The following WDFY2 variants were observed in gnomAD, a reference collection of about 807,000 sequenced individuals.
WDFY2 encodes the protein WD repeat and FYVE domain containing 2.
WDFY2 carries 36 observed loss-of-function variants against 56.4 expected under a neutral mutation model. The observed-to-expected ratio is 0.64, with a 90% confidence interval of 0.49 to 0.84. WDFY2 has a LOEUF of 0.84. Among genes scored for constraint, WDFY2 ranks in the 40% least tolerant of loss-of-function variants. WDFY2 has a pLI of 0.00. For missense variants in WDFY2, 444 were observed against 512.2 expected, an observed-to-expected ratio of 0.87 and a Z score of 1.29; for synonymous variants, 176 against 183.7, an observed-to-expected ratio of 0.96 and a Z score of 0.34.
At chr13:51,672,849 G>C (rs542551450) in intron 2 of WDFY2, among the ~76,000 whole-genome samples, 1 of 152,118 alleles carries the variant, frequency 6.6e-6, no homozygotes, top group Non-Finnish European at 1.5e-5. Flanking sequence ...TCTCAGCTTG[G>C]TCACTGTTGA....
intron 2 of WDFY2, 90 bp downstream of exon 2, chr13:51,660,753 G>T: frequency 9.0e-7 from 1 of 1,112,230 alleles, no homozygotes; most frequent in South Asian, 1.3e-5. Context: ...AGAAGACTGA[G>T]GTTGGGATTC....
chr13:51,675,092 C>A (rs1833889833), intron 2 of WDFY2, 78 bp from the exon 3 acceptor site: 1 of 1,344,834 alleles, frequency 7.4e-7, no homozygotes, highest in Non-Finnish European at 1.1e-6. Context: ...CAGCCCCACA[C>A]TTTTAGCTAG....
rs189054879 is a variant in WDFY2 at position 51,614,172 on chromosome 13, C to T, written c.137+29348C>T. Among the ~76,000 whole-genome samples, 612 of 122,622 alleles carry T rather than the reference C, an allele frequency of 5.0e-3. 4 individuals carry two copies. Among genetic ancestry groups the T allele is most frequent in the African/African-American group, 0.017 (543 of 31,482 alleles). 80.4% of individuals were successfully genotyped at this position (122,622 alleles called of 152,430 possible). On this transcript the variant is annotated intron_variant, in intron 1 of 11. Coordinates refer to ENST00000298125, the MANE Select transcript of WDFY2 (RefSeq NM_052950.4). ...CTGCACCCCAGCCTGGGCGACAGTGCGAGACTCGGTCTCCAAAAAAAAAAA... is the reference window on the plus strand; with the variant it reads ...CTGCACCCCAGCCTGGGCGACAGTGTGAGACTCGGTCTCCAAAAAAAAAAA...
intron 5 of WDFY2, among the ~76,000 whole-genome samples, chr13:51,721,323 A>G (rs571768615): frequency 2.2e-4 from 34 of 152,234 alleles, no homozygotes; most frequent in African/African-American, 5.1e-4. Flanking sequence ...AATGGCATCA[A>G]TATAATTTGG....
intron 3 of WDFY2, among the ~76,000 whole-genome samples, chr13:51,695,359 T>C (rs1004851048): frequency 6.2e-4 from 95 of 152,338 alleles, no homozygotes; most frequent in African/African-American, 2.2e-3. Flanking sequence ...GATGGGTTTT[T>C]GGTGTGGATG....
intron 1 of WDFY2, among the ~76,000 whole-genome samples, chr13:51,592,978 GATA>G: frequency 6.6e-6 from 1 of 152,222 alleles, no homozygotes; most frequent in Middle Eastern, 3.4e-3. Flanking sequence ...ATAAATAAAA[GATA>G]ATAACCACAA....
At chr13:51,689,514 C>T (rs1956114915) in intron 3 of WDFY2, among the ~76,000 whole-genome samples, 1 of 152,128 alleles carries the variant, frequency 6.6e-6, no homozygotes, top group African/African-American at 2.4e-5. Context: ...TTTCTTGTTT[C>T]CGACGCTTCC....
chr13:51,741,645 G>A (rs894103487), intron 7 of WDFY2, among the ~76,000 whole-genome samples: 11 of 152,142 alleles, frequency 7.2e-5, no homozygotes, highest in Non-Finnish European at 1.5e-4. Flanking sequence ...AGTGATTCTC[G>A]TATTTGAGTA....
At chr13:51,727,220 C>T (rs1251612949) in intron 5 of WDFY2, among the ~76,000 whole-genome samples, 2 of 152,108 alleles carry the variant, frequency 1.3e-5, no homozygotes, top group Admixed American at 6.5e-5. Flanking sequence ...GTTTATTTCT[C>T]GACTTTGTAT....
intron 5 of WDFY2, among the ~76,000 whole-genome samples, chr13:51,723,735 G>C (rs1046690635): frequency 2.6e-5 from 4 of 152,206 alleles, no homozygotes; most frequent in African/African-American, 9.7e-5. Flanking sequence ...TGCTGAGATT[G>C]ATTGGCAGTT....
chr13:51,599,879 C>T (rs910880439), intron 1 of WDFY2, among the ~76,000 whole-genome samples: 1 of 148,914 alleles, frequency 6.7e-6, no homozygotes, highest in Non-Finnish European at 1.5e-5. Flanking sequence ...CATTGAACTA[C>T]AAAACAAACA....
chr13:51,660,948 G>C (rs925953547), intron 2 of WDFY2, among the ~76,000 whole-genome samples: 1 of 152,106 alleles, frequency 6.6e-6, no homozygotes, highest in African/African-American at 2.4e-5. Context: ...CCAACTTTTT[G>C]TTCAGCTATT....
chr13:51,750,537 C>A (rs199568382), intron 7 of WDFY2, among the ~76,000 whole-genome samples: 62 of 139,250 alleles, frequency 4.5e-4, no homozygotes, highest in African/African-American at 5.0e-4. Context: ...GACGAACATA[C>A]AAAAAAAAAA....
intron 1 of WDFY2, among the ~76,000 whole-genome samples, chr13:51,643,623 G>T (rs1176941706): frequency 6.6e-6 from 1 of 152,158 alleles, no homozygotes; most frequent in Non-Finnish European, 1.5e-5. Context: ...TCTCTTGCCT[G>T]TGAGGGACTC....
intron 5 of WDFY2, among the ~76,000 whole-genome samples, chr13:51,726,023 A>G (rs1952597680): frequency 6.6e-6 from 1 of 152,248 alleles, no homozygotes; most frequent in Non-Finnish European, 1.5e-5. Context: ...AAATTCTAAA[A>G]TAGGAACTAT....
chr13:51,716,671 C>A (rs1372968279), intron 4 of WDFY2, among the ~76,000 whole-genome samples: 3 of 120,104 alleles, frequency 2.5e-5, no homozygotes, highest in Non-Finnish European at 4.8e-5. Flanking sequence ...CCAGCCTGGG[C>A]GACAGAGCGA....
At chr13:51,691,924 G>A (rs1956168018) in intron 3 of WDFY2, among the ~76,000 whole-genome samples, 1 of 151,886 alleles carries the variant, frequency 6.6e-6, no homozygotes, top group Non-Finnish European at 1.5e-5. Context: ...TCCCTTGTAA[G>A]TTGGATTCCT....
At chr13:51,651,371 G>A (rs2138428359) in intron 1 of WDFY2, among the ~76,000 whole-genome samples, 1 of 152,122 alleles carries the variant, frequency 6.6e-6, no homozygotes, top group South Asian at 2.1e-4. Context: ...ACCAGCTCCT[G>A]GATTCATTAA....
At position 51,764,072 on chromosome 13, in the gene WDFY2, G is replaced by A. The variant is rs1057423303; in HGVS notation, c.*4303G>A. ...AATAATATTGAATTTTTCCTGGTAC[G>A]AAGACAGATATTTATTAACTTGATT... On this transcript the variant is annotated 3_prime_UTR_variant, in exon 12 of 12. Coordinates refer to ENST00000298125, the MANE Select transcript of WDFY2 (RefSeq NM_052950.4). 2 of 152,144 alleles carry A rather than the reference G, an allele frequency of 1.3e-5. No individual in the cohort carries two copies. Among genetic ancestry groups the A allele is most frequent in the African/African-American group, 2.4e-5 (1 of 41,420 alleles). 9.4% of individuals were successfully genotyped at this position (152,144 alleles called of 1,614,324 possible).
Sources: gnomAD v4.1 joint callset for allele counts (sites outside exome capture counted in the v4.1 genomes callset) on GRCh38, gnomAD v4.1.1 for gene constraint, MANE v1.5 for transcripts, NCBI Gene and HGNC (gene_info 2026-07-23, HGNC 2026-07-21) for gene names.